LUZP2: variants seen among roughly 807,000 people sequenced by gnomAD.
LUZP2 encodes the protein leucine zipper protein 2.
A neutral mutation model predicts 51.6 loss-of-function variants in LUZP2; 52 were observed. The observed-to-expected ratio is 1.01, with a 90% CI of 0.81 to 1.27. The LOEUF is 1.27. Ranked by LOEUF, LUZP2 falls within the 50% of genes most tolerant of loss-of-function variation. The pLI is 0.00. For synonymous variants in LUZP2, 154 were observed against 137.3 expected, an observed-to-expected ratio of 1.12 and a Z score of -0.85; for missense variants, 436 against 395.4, an observed-to-expected ratio of 1.10 and a Z score of -0.87.
At chr11:24,887,092 C>T (rs1426875294) in intron 5 of LUZP2, among the ~76,000 whole-genome samples, 5 of 152,148 alleles carry the variant, frequency 3.3e-5, no homozygotes, top group Non-Finnish European at 7.3e-5. Context: ...CTGTTTATGC[C>T]TGCCTGACCT....
intron 1 of LUZP2, among the ~76,000 whole-genome samples, chr11:24,609,447 C>T (rs1565026675): frequency 6.6e-6 from 1 of 151,956 alleles, no homozygotes; most frequent in Non-Finnish European, 1.5e-5. Context: ...TAATAAAAGG[C>T]TGGGGCGGTG....
chr11:24,498,830 A>C (rs1327321787), intron 1 of LUZP2, among the ~76,000 whole-genome samples: 1 of 151,676 alleles, frequency 6.6e-6, no homozygotes, highest in Admixed American at 6.6e-5. Flanking sequence ...GACAGTCAAC[A>C]CATGCATAAA....
chr11:24,961,368 A>G (rs1855397955), intron 7 of LUZP2, among the ~76,000 whole-genome samples: 1 of 152,028 alleles, frequency 6.6e-6, no homozygotes, highest in African/African-American at 2.4e-5. Context: ...CCCATTATTC[A>G]TGTGTGGGAG....
intron 1 of LUZP2, among the ~76,000 whole-genome samples, chr11:24,696,616 C>T (rs979998255): frequency 2.6e-5 from 4 of 151,778 alleles, no homozygotes; most frequent in African/African-American, 9.7e-5. Context: ...GAACTCTTGA[C>T]TCTGGTAGGG....
At chr11:24,906,349 G>A (rs896717989) in intron 6 of LUZP2, among the ~76,000 whole-genome samples, 11 of 150,556 alleles carry the variant, frequency 7.3e-5, no homozygotes, top group African/African-American at 2.7e-4. Flanking sequence ...GCAAATTACT[G>A]GGAGTCCATA....
At chr11:24,616,934 G>A (rs1854308396) in intron 1 of LUZP2, among the ~76,000 whole-genome samples, 2 of 152,116 alleles carry the variant, frequency 1.3e-5, no homozygotes, top group African/African-American at 4.8e-5. Flanking sequence ...GTAAATCTTG[G>A]TATATACTCC....
At chr11:24,785,054 A>T (rs747807640) in intron 5 of LUZP2, among the ~76,000 whole-genome samples, 5 of 151,940 alleles carry the variant, frequency 3.3e-5, no homozygotes, top group Non-Finnish European at 7.4e-5. Flanking sequence ...GTGGATCCAT[A>T]CCTCACACAT....
At chr11:24,659,378 A>C (rs1338307349) in intron 1 of LUZP2, among the ~76,000 whole-genome samples, 2 of 152,128 alleles carry the variant, frequency 1.3e-5, no homozygotes, top group African/African-American at 2.4e-5. Context: ...CAATGAGAAC[A>C]CATGGACACA....
chr11:25,018,055 T>TTTGTTCTG (rs1554955752), intron 9 of LUZP2, among the ~76,000 whole-genome samples: 7 of 140,028 alleles, frequency 5.0e-5, no homozygotes, highest in South Asian at 2.2e-4. Flanking sequence ...TTTGTTTTTT[T>TTTGTTCTG]TTTTGCAGCT....
intron 1 of LUZP2, among the ~76,000 whole-genome samples, chr11:24,572,537 A>T (rs11028027): frequency 0.14 from 21,809 of 151,996 alleles, 1,661 homozygotes; most frequent in South Asian, 0.21. Flanking sequence ...TTCTAATGTG[A>T]CAATGCACAA....
intron 1 of LUZP2, among the ~76,000 whole-genome samples, chr11:24,714,601 C>T (rs1008450365): frequency 1.3e-5 from 2 of 152,074 alleles, no homozygotes; most frequent in Non-Finnish European, 2.9e-5. Context: ...GCTGAATGCA[C>T]CCCCCAACCC....
chr11:24,835,632 T>C (rs1850841216), intron 5 of LUZP2, among the ~76,000 whole-genome samples: 2 of 152,114 alleles, frequency 1.3e-5, no homozygotes, highest in Admixed American at 1.3e-4. Context: ...AAATGGCTTG[T>C]ATAATGTAAG....
intron 1 of LUZP2, among the ~76,000 whole-genome samples, chr11:24,697,935 A>G (rs1857297650): frequency 6.6e-6 from 1 of 151,882 alleles, no homozygotes; most frequent in Admixed American, 6.6e-5. Context: ...TGGTCCTGTG[A>G]CCCCCACCCA....
At chr11:24,987,193 A>T (rs1283744329) in intron 9 of LUZP2, among the ~76,000 whole-genome samples, 1 of 151,974 alleles carries the variant, frequency 6.6e-6, no homozygotes. Context: ...TAAAGCCAGG[A>T]TAACATGAAA....
intron 1 of LUZP2, among the ~76,000 whole-genome samples, chr11:24,523,970 G>C (rs1448615253): frequency 6.6e-6 from 1 of 151,762 alleles, no homozygotes; most frequent in South Asian, 2.1e-4. Flanking sequence ...TAAGGGCAGT[G>C]AAAAGTTGAA....
chr11:24,847,340 C>A (rs117075844), intron 5 of LUZP2, among the ~76,000 whole-genome samples: 1 of 152,028 alleles, frequency 6.6e-6, no homozygotes, highest in Non-Finnish European at 1.5e-5. Flanking sequence ...TAGTTTTCTT[C>A]GGTACTGAGT....
Position 24,691,522 on chromosome 11 carries a change from A to G in LUZP2, c.63-37647A>G, listed in dbSNP as rs79490516. ...ACCCCTGTATTTCAAGACCCACCAA[A>G]TCTGGACTTGCTCCTAAAATAGACA... is the stretch of plus-strand genomic sequence containing the variant. On this transcript the variant is annotated intron_variant, in intron 1 of 11. Transcript: ENST00000336930. 3.1e-4 allele frequency among the ~76,000 whole-genome samples: 47 copies of G among 151,214 alleles called. 1 individual carries two copies. In the East Asian group the frequency reaches 8.6e-3, roughly 28 times the overall value.
At chr11:25,049,125 G>C (rs1356695274) in intron 9 of LUZP2, among the ~76,000 whole-genome samples, 1 of 152,138 alleles carries the variant, frequency 6.6e-6, no homozygotes. Context: ...AAATACCTGG[G>C]TGAGATTTGA....
intron 1 of LUZP2, among the ~76,000 whole-genome samples, chr11:24,653,879 A>G (rs1855717976): frequency 6.6e-6 from 1 of 152,228 alleles, no homozygotes; most frequent in Admixed American, 6.5e-5. Context: ...TTAGTAGTCA[A>G]GAGGTCACTA....
Sources: allele counts gnomAD v4.1 joint callset (sites outside exome capture counted in the v4.1 genomes callset), GRCh38; gene constraint gnomAD v4.1.1; transcripts MANE v1.5; gene names NCBI Gene and HGNC (gene_info 2026-07-23, HGNC 2026-07-21).